The following THAP7 variants were observed in gnomAD, a reference collection of about 807,000 sequenced individuals.
THAP7 encodes the protein THAP domain containing 7, also known as THAP domain-containing protein 7.
A neutral mutation model predicts 29.2 loss-of-function variants in THAP7; 22 were observed. The observed-to-expected ratio is 0.75, with a 90% CI of 0.54 to 1.08. The LOEUF is 1.08. THAP7 is among the 50% of genes least tolerant of loss of function. The pLI is 0.00. For synonymous variants in THAP7, 208 were observed against 173.4 expected, an observed-to-expected ratio of 1.20 and a Z score of -1.57; for missense variants, 448 against 416.2, an observed-to-expected ratio of 1.08 and a Z score of -0.66.
chr22:21,001,757 C>T, intron 1 of THAP7, 75 bp downstream of exon 1: 1 of 1,451,564 alleles, frequency 6.9e-7, no homozygotes, highest in South Asian at 1.3e-5. Context: ...GGCGCGAAGC[C>T]TCTACGCAGT....
Position 21,000,068 on chromosome 22 carries a change from G to A in THAP7, c.742C>T (p.Leu248Phe). Residue 248 changes from leucine (L) to phenylalanine (F), a missense_variant, in exon 4 of 4, where the codon CTT (leucine) becomes TTT (phenylalanine). By Grantham distance (22) the Leu-to-Phe change is conservative (BLOSUM62 0). Transcript: ENST00000215742. ...CGCTGGGCCTTGTCAAGGGCATCAA[G>A]GGCTGCCTCGGCTCGCCGCTTCCAG... The part of the protein sequence containing the change: ...LLWKRRAEAA[L>F]DALDKAQRQL... 1 of 1,612,996 alleles carries A rather than the reference G, an allele frequency of 6.2e-7. No individual in the cohort carries two copies. The highest frequency in any genetic ancestry group is 8.5e-7 in the Non-Finnish European group (1 of 1,179,936).
Position 21,001,400 on chromosome 22 carries a change from T to C in THAP7, c.92A>G (p.Lys31Arg). ...CCACAAGCCTCGCCTCGGGTTGTCC[T>C]TCTTGGGAAGTCTGTGGAGCCACAA... is the stretch of plus-strand genomic sequence containing the variant. Reference protein sequence around the residue: ...RGISFHRLPKKDNPRRGLWLA... With the variant: ...RGISFHRLPKRDNPRRGLWLA... Residue 31 changes from lysine to arginine, a missense_variant, in exon 2 of 4, where the codon AAG becomes AGG. Lys to Arg is a conservative substitution (Grantham distance 26). Transcript: ENST00000215742. 13 of 1,613,738 alleles carry C rather than the reference T, an allele frequency of 8.1e-6. No homozygotes were observed. The highest frequency in any genetic ancestry group is 1.1e-5 in the South Asian group (1 of 91,072).
rs1400165937 is a variant in THAP7 at position 21,001,390 on chromosome 22, C to T, written c.102G>A (p.Pro34=). 3 of 1,613,784 alleles carry T rather than the reference C, an allele frequency of 1.9e-6. No individual in the cohort carries two copies. The highest frequency in any genetic ancestry group is 1.7e-6 in the Non-Finnish European group (2 of 1,180,016). Residue 34 remains proline (P), a synonymous_variant, in exon 2 of 4, where the codon CCG becomes CCA. Coordinates refer to ENST00000215742, the MANE Select transcript of THAP7 (RefSeq NM_030573.3). ...SFHRLPKKDN[P]RRGLWLANCQ... ...AGTTGGCCAGCCACAAGCCTCGCCT[C>T]GGGTTGTCCTTCTTGGGAAGTCTGT...
In THAP7 at chr22:20,999,583, G is replaced by T. The variant is rs1428386240; in HGVS notation, c.*297C>A. On this transcript the variant is annotated 3_prime_UTR_variant, in exon 4 of 4. Coordinates refer to ENST00000215742, the MANE Select transcript of THAP7 (RefSeq NM_030573.3). ...CTGCCCCTTCAGAGAACCCTGTGGGGCACGGAGCTGCGCTAGCAGGGCTGA... is the reference window on the plus strand; with the variant it reads ...CTGCCCCTTCAGAGAACCCTGTGGGTCACGGAGCTGCGCTAGCAGGGCTGA... 33 of 425,320 alleles carry T rather than the reference G, an allele frequency of 7.8e-5. No individual in the cohort carries two copies. The highest frequency in any genetic ancestry group is 4.7e-5 in the Non-Finnish European group (11 of 234,188). The allele number at this position is 425,320 out of a possible 1,614,324, so 26.3% of individuals were successfully genotyped here. A position where few individuals can be genotyped will look rare whatever the true frequency, so the allele number is the denominator to read the frequency against.
rs370293967 is a variant in THAP7, at chr22:21,001,303, G to A, written c.189C>T (p.Phe63=). ...AGTCCTCCTCAAAGTGTTTGGAGCA[G>A]AAGTAGATGTACTCGGATGCCGGGT... ...LWDPASEYIY[F]CSKHFEEDCF... Residue 63 remains phenylalanine (F), a synonymous_variant, in exon 2 of 4, where the codon TTC becomes TTT. Coordinates refer to ENST00000215742, the MANE Select transcript of THAP7 (RefSeq NM_030573.3). 24 of 1,614,064 alleles carry A rather than the reference G, an allele frequency of 1.5e-5. No homozygotes were observed. The East Asian group carries it at 2.2e-4, about 15-fold the overall frequency.
At chr22:21,001,474 C>T (rs188783835) in intron 1 of THAP7, 63 bp from the exon 2 acceptor site, 10 of 1,578,772 alleles carry the variant, frequency 6.3e-6, no homozygotes, top group African/African-American at 1.3e-5. Context: ...GCTGCCCAAG[C>T]ACCCCAGAGG....
rs747193578 is a variant in THAP7 at position 21,000,644 on chromosome 22, T to G, written c.377+3A>C. Reference sequence around the variant, plus strand: ...TGGGGCATCCCCCACCCATATCACATACCGCTTCCTGCATCGTCTGAGCCG... The same window carrying G: ...TGGGGCATCCCCCACCCATATCACAGACCGCTTCCTGCATCGTCTGAGCCG... On this transcript the variant is annotated splice_donor_region_variant and intron_variant, in intron 3 of 3. Transcript: ENST00000215742. 6.2e-7 allele frequency: 1 copy of G among 1,613,970 alleles called. No individual in the cohort carries two copies. The highest frequency in any genetic ancestry group is 1.1e-5 in the South Asian group (1 of 91,078).
In THAP7 at chr22:20,999,884, G is replaced by A; in HGVS notation, c.926C>T (p.Ala309Val). The change falls in exon 4 of 4, where the codon GCC becomes GTC. Residue 309 changes from alanine (A) to valine (V), a missense_variant. Coordinates refer to ENST00000215742, the MANE Select transcript of THAP7 (RefSeq NM_030573.3). ...DFAMQLSSSM[A>V] is the part of the protein sequence containing the mutation. ...CTCGGTCAGTCCAGCAGCCCCTCAG[G>A]CCATGCTGCTGCTCAGCTGCATGGC... The A allele has an allele frequency of 6.2e-7, 1 of 1,604,720 alleles. No homozygotes were observed. The highest frequency in any genetic ancestry group is 8.5e-7 in the Non-Finnish European group (1 of 1,178,686).
At chr22:21,001,748 G>T in intron 1 of THAP7, 84 bp downstream of exon 1, 1 of 1,392,146 alleles carries the variant, frequency 7.2e-7, no homozygotes, top group Non-Finnish European at 9.7e-7. Context: ...TCTGAGAAAG[G>T]CGCGAAGCCT....
chr22:21,001,570 A>C, intron 1 of THAP7, 159 bp from the exon 2 acceptor site: 1 of 1,149,724 alleles, frequency 8.7e-7, no homozygotes, highest in South Asian at 1.5e-5. Context: ...AGACGAGGCA[A>C]CGGAGGCCTC....
rs1239918365 is a variant in THAP7 at position 21,000,207 on chromosome 22, G to T, written c.603C>A (p.Pro201=). Residue 201 remains proline (P), a synonymous_variant, in exon 4 of 4, where the codon CCC becomes CCA. Transcript: ENST00000215742. Reference sequence around the variant, plus strand: ...AGACTGGCCGTGGTTCGAGAGGGGAGGGCTGCCGCTCTGGTGAAGGCTGGG... The same window carrying T: ...AGACTGGCCGTGGTTCGAGAGGGGATGGCTGCCGCTCTGGTGAAGGCTGGG... ...CSAQPSPERQ[P]SPLEPRPVSP... is the part of the protein sequence containing the mutation. The T allele has an allele frequency of 6.4e-7, 1 of 1,558,796 alleles. No individual in the cohort carries two copies. The highest frequency in any genetic ancestry group is 1.2e-5 in the South Asian group (1 of 85,274).
rs1164869010 is a variant in THAP7 at position 21,000,043 on chromosome 22, C to T, written c.767G>A (p.Arg256His). ...CCGCCGCTTGCAGGCCTGCAGCTGGCGCTGGGCCTTGTCAAGGGCATCAAG... is the reference window on the plus strand; with the variant it reads ...CCGCCGCTTGCAGGCCTGCAGCTGGTGCTGGGCCTTGTCAAGGGCATCAAG... ...AALDALDKAQ[R>H]QLQACKRREQ... The change falls in exon 4 of 4, where the codon CGC becomes CAC. Residue 256 changes from arginine to histidine, a missense_variant. Arg to His is a conservative substitution (Grantham distance 29, BLOSUM62 0). Coordinates refer to ENST00000215742, the MANE Select transcript of THAP7 (RefSeq NM_030573.3). 11 of 1,612,818 alleles carry T rather than the reference C, an allele frequency of 6.8e-6. No homozygotes were observed. The highest frequency in any genetic ancestry group is 2.2e-5 in the South Asian group (2 of 91,088).
chr22:21,001,838 AAGG>A lies in THAP7; in HGVS notation c.71_73del (p.Ser24del). The A allele has an allele frequency of 1.3e-6, 2 of 1,557,002 alleles. No individual in the cohort carries two copies. ...GCGGCGCACGCGCGCTGACCTGTGG[AAGG>A]AGATGCCGCGGTTGCGCGTCTCGCG... On this transcript the variant is annotated inframe_deletion, in exon 1 of 4. Coordinates refer to ENST00000215742, the MANE Select transcript of THAP7 (RefSeq NM_030573.3).
chr22:20,999,580 G>C lies in THAP7; in HGVS notation c.*300C>G. On this transcript the variant is annotated 3_prime_UTR_variant, in exon 4 of 4. Coordinates refer to ENST00000215742, the MANE Select transcript of THAP7 (RefSeq NM_030573.3). ...ATCCTGCCCCTTCAGAGAACCCTGT[G>C]GGGCACGGAGCTGCGCTAGCAGGGC... is the stretch of plus-strand genomic sequence containing the variant. 2.4e-6 allele frequency: 1 copy of C among 414,774 alleles called. No homozygotes were observed. 25.7% of individuals were successfully genotyped at this position (414,774 alleles called of 1,614,324 possible).
chr22:20,999,805 G>T lies in THAP7; in HGVS notation c.*75C>A. ...AGAATCCGCTTTATTATGGCACCTG[G>T]TGGGTCTGGTGGGATCTGAGGGAGG... On this transcript the variant is annotated 3_prime_UTR_variant, in exon 4 of 4. Transcript: ENST00000215742. 6.7e-7 allele frequency: 1 copy of T among 1,493,452 alleles called. No homozygotes were observed. The allele number at this position is 1,493,452 out of a possible 1,614,324, so 92.5% of individuals were successfully genotyped here.
intron 1 of THAP7, 171 bp downstream of exon 1, chr22:21,001,661 C>G (rs905275156): frequency 3.3e-6 from 3 of 899,970 alleles, no homozygotes; most frequent in Non-Finnish European, 4.9e-6. Flanking sequence ...TTCCCGTCCT[C>G]CCCTTCCCGA....
At position 20,999,959 on chromosome 22, in the gene THAP7, C is replaced by T. The variant is rs531259542; in HGVS notation, c.851G>A (p.Arg284Gln). ...KLQQERAREKRAQADARQTLK... is the reference protein window; with the variant it reads ...KLQQERAREKQAQADARQTLK... ...AGTCTGGCGGGCATCTGCCTGTGCC[C>T]GCTTCTCCCGTGCCCGCTCCTGCTG... The change falls in exon 4 of 4, where the codon CGG becomes CAG. Residue 284 changes from arginine to glutamine, a missense_variant. Physicochemically the swap from Arg to Gln is conservative, Grantham distance 43. Coordinates refer to ENST00000215742, the MANE Select transcript of THAP7 (RefSeq NM_030573.3). 34 of 1,612,560 alleles carry T rather than the reference C, an allele frequency of 2.1e-5. No individual in the cohort carries two copies. Among genetic ancestry groups the T allele is most frequent in the East Asian group, 4.5e-5 (2 of 44,880 alleles).
rs760435426 is a variant in THAP7, at chr22:21,000,670, G to A, written c.354C>T (p.Ser118=). 1.2e-6 allele frequency: 2 copies of A among 1,614,152 alleles called. No homozygotes were observed. The highest frequency in any genetic ancestry group is 2.2e-5 in the East Asian group (1 of 44,890). ...ACCGCTTCCTGCATCGTCTGAGCCGGCTGACTTCAGCGGGGCCAGGTGGGT... is the reference window on the plus strand; with the variant it reads ...ACCGCTTCCTGCATCGTCTGAGCCGACTGACTTCAGCGGGGCCAGGTGGGT... The part of the protein sequence containing the change: ...HSYPPGPAEV[S]RLRRCRKRCS... Residue 118 remains serine (S), a synonymous_variant, in exon 3 of 4, where the codon AGC becomes AGT. Transcript: ENST00000215742.
Position 21,001,916 on chromosome 22 carries a change from G to A in THAP7, c.-5C>T. 8 of 1,563,854 alleles carry A rather than the reference G, an allele frequency of 5.1e-6. No individual in the cohort carries two copies. The highest frequency in any genetic ancestry group is 6.9e-6 in the Non-Finnish European group (8 of 1,155,990). On this transcript the variant is annotated 5_prime_UTR_variant, in exon 1 of 4. Coordinates refer to ENST00000215742, the MANE Select transcript of THAP7 (RefSeq NM_030573.3). ...GGCGGAGCAGTGACGCGGCATCTGG[G>A]AAAGAGGCGGGAGTTAAGTCGCAAG...
Sources: allele counts gnomAD v4.1 joint callset, GRCh38; gene constraint gnomAD v4.1.1; transcripts MANE v1.5; gene names NCBI Gene and HGNC (gene_info 2026-07-23, HGNC 2026-07-21).